Variants in DLGAP4 observed in about 807,000 individuals in gnomAD.
DLGAP4 encodes DLG associated protein 4.
Under a neutral mutation model 86.9 loss-of-function variants are expected in DLGAP4, and 18 were observed. The observed-to-expected ratio is 0.21, with a 90% CI of 0.14 to 0.31. The LOEUF is 0.31. DLGAP4 is among the 10% of genes least tolerant of loss of function. The pLI is 1.00. For synonymous variants in DLGAP4, 548 were observed against 574.3 expected (o/e 0.95, Z 0.65); for missense variants, 1,085 against 1,362.6 (o/e 0.80, Z 3.21).
intron 6 of DLGAP4, among the ~76,000 whole-genome samples, chr20:36,444,261 T>C (rs1230682469): frequency 6.6e-6 from 1 of 152,202 alleles, no homozygotes; most frequent in African/African-American, 2.4e-5. Flanking sequence ...CCCAATGAGA[T>C]AGCCACTAGC....
At chr20:36,412,278 C>T (rs139909652) in intron 2 of DLGAP4, among the ~76,000 whole-genome samples, 1 of 152,368 alleles carries the variant, frequency 6.6e-6, no homozygotes, top group Non-Finnish European at 1.5e-5. Context: ...GCCCTGCAGT[C>T]AGAGCTCTGA....
chr20:36,410,000 C>G lies in DLGAP4; in HGVS notation c.-72-21646C>G, dbSNP rs2032451209. Among the ~76,000 whole-genome samples the G allele has an allele frequency of 2.0e-5, 3 of 150,310 alleles. No homozygotes were observed. The South Asian group carries it at 6.3e-4, about 32-fold the overall frequency. ...AGTGAGCCGAGATCACGCCACTGCA[C>G]TCCAGCCTGGGCGACAGAGTTAGAC... is the stretch of plus-strand genomic sequence containing the variant. On this transcript the variant is annotated intron_variant, in intron 2 of 12. Transcript: ENST00000339266.
At chr20:36,492,130 CGGGGTGAGGTATTGGAAGAGGTG>C (rs1253658779) in intron 7 of DLGAP4, among the ~76,000 whole-genome samples, 2 of 152,096 alleles carry the variant, frequency 1.3e-5, no homozygotes, top group Admixed American at 6.5e-5. Flanking sequence ...AGGAAGTGGC[CGGGGTGAGGTATTGGAAGAGGTG>C]GGGGTGAGGT....
intron 10 of DLGAP4, among the ~76,000 whole-genome samples, chr20:36,501,096 G>A (rs557013009): frequency 1.1e-3 from 153 of 139,106 alleles, no homozygotes; most frequent in South Asian, 3.5e-3. Flanking sequence ...ACGGAGTCTT[G>A]CTCCATCACC....
chr20:36,384,362 A>G (rs765231441), intron 2 of DLGAP4, among the ~76,000 whole-genome samples: 1 of 152,176 alleles, frequency 6.6e-6, no homozygotes, highest in South Asian at 2.1e-4. Flanking sequence ...TGGCCCTGGC[A>G]TTGTGCAAAT....
At chr20:36,456,998 G>A (rs1252342737) in intron 7 of DLGAP4, among the ~76,000 whole-genome samples, 1 of 152,146 alleles carries the variant, frequency 6.6e-6, no homozygotes, top group Admixed American at 6.5e-5. Flanking sequence ...CTGTGTTGTA[G>A]GTACCATCAG....
intron 10 of DLGAP4, among the ~76,000 whole-genome samples, chr20:36,517,334 C>T (rs111735079): frequency 0.039 from 5,911 of 152,146 alleles, 391 homozygotes; most frequent in African/African-American, 0.14. Flanking sequence ...GCTGAGATTG[C>T]GCCACTGCAC....
chr20:36,392,934 A>G (rs1300441358), intron 2 of DLGAP4, among the ~76,000 whole-genome samples: 3 of 152,178 alleles, frequency 2.0e-5, no homozygotes, highest in Admixed American at 2.0e-4. Flanking sequence ...TGAATGAATC[A>G]AGGGAGAAGC....
intron 5 of DLGAP4, among the ~76,000 whole-genome samples, chr20:36,440,988 GA>G (rs1171801198): frequency 6.6e-6 from 1 of 152,090 alleles, no homozygotes; most frequent in Non-Finnish European, 1.5e-5. Context: ...CAGACATGGG[GA>G]GGGGTAGAGT....
chr20:36,518,988 G>A (rs761950831), intron 10 of DLGAP4, among the ~76,000 whole-genome samples: 6 of 151,354 alleles, frequency 4.0e-5, no homozygotes, highest in East Asian at 1.9e-4. Context: ...GTGGTGGTGC[G>A]CGCCTGTAGT....
At chr20:36,311,751 C>T (rs2065055326) in intron 1 of DLGAP4, among the ~76,000 whole-genome samples, 4 of 152,196 alleles carry the variant, frequency 2.6e-5, no homozygotes, top group Non-Finnish European at 5.9e-5. Flanking sequence ...CAATGCTGCA[C>T]AGCCGGTGAA....
intron 7 of DLGAP4, among the ~76,000 whole-genome samples, chr20:36,485,296 A>G (rs2147722154): frequency 6.7e-6 from 1 of 149,556 alleles, no homozygotes; most frequent in South Asian, 2.2e-4. Context: ...TGGGAGGATC[A>G]TTTGAGCCCA....
intron 10 of DLGAP4, among the ~76,000 whole-genome samples, chr20:36,501,954 C>T (rs540206031): frequency 6.4e-4 from 98 of 152,320 alleles, no homozygotes; most frequent in Non-Finnish European, 1.1e-3. Context: ...AGAAAACATC[C>T]AGCCCACCGC....
At chr20:36,428,033 T>C (rs1168491625) in intron 2 of DLGAP4, among the ~76,000 whole-genome samples, 1 of 152,178 alleles carries the variant, frequency 6.6e-6, no homozygotes, top group African/African-American at 2.4e-5. Flanking sequence ...ATATATAGCT[T>C]TTCTGTGACA....
intron 11 of DLGAP4, 126 bp downstream of exon 11, chr20:36,524,467 C>T (rs2147867200): frequency 4.0e-6 from 3 of 754,834 alleles, no homozygotes; most frequent in Non-Finnish European, 4.3e-6. Context: ...CCTCATGGTG[C>T]TGGAAGGACA....
At chr20:36,469,089 GA>G (rs1480509948) in intron 7 of DLGAP4, among the ~76,000 whole-genome samples, 2 of 152,156 alleles carry the variant, frequency 1.3e-5, no homozygotes, top group Non-Finnish European at 2.9e-5. Context: ...TTTTTCAGAA[GA>G]GGAAACTGAG....
intron 2 of DLGAP4, among the ~76,000 whole-genome samples, chr20:36,427,748 G>A (rs1368828291): frequency 1.3e-5 from 2 of 152,092 alleles, no homozygotes; most frequent in Non-Finnish European, 2.9e-5. Context: ...TTCGAGACCA[G>A]CCTGGTCAAC....
chr20:36,324,936 T>C (rs1406180883), intron 1 of DLGAP4, among the ~76,000 whole-genome samples: 1 of 152,210 alleles, frequency 6.6e-6, no homozygotes, highest in Non-Finnish European at 1.5e-5. Context: ...TCTTATTGTT[T>C]GTTTTCTCTT....
intron 7 of DLGAP4, chr20:36,462,158 C>T: frequency 9.6e-7 from 1 of 1,041,040 alleles, no homozygotes; most frequent in Non-Finnish European, 1.2e-6. Context: ...TCCCCATATC[C>T]ACTGGGAGCT....
Sources: allele counts gnomAD v4.1 joint callset (sites outside exome capture counted in the v4.1 genomes callset), GRCh38; gene constraint gnomAD v4.1.1; transcripts MANE v1.5; gene names NCBI Gene and HGNC (gene_info 2026-07-23, HGNC 2026-07-21).